TUT7: variants seen among roughly 807,000 people sequenced by gnomAD.
The protein encoded by TUT7 is terminal uridylyl transferase 7, also known as terminal uridylyltransferase 7.
In TUT7, 33 loss-of-function variants were observed where a neutral mutation model predicts 165.9. That is an observed-to-expected ratio of 0.20 (90% CI 0.15 to 0.27). The LOEUF (loss-of-function observed/expected upper bound fraction) is 0.27. Ranked by LOEUF, TUT7 falls within the 10% of genes least tolerant of loss-of-function variation. TUT7 has a pLI of 1.00. For missense variants in TUT7, 1,338 were observed against 1,762.3 expected (o/e 0.76, Z 4.31); for synonymous variants, 552 against 608.1 (o/e 0.91, Z 1.36).
At position 86,325,315 on chromosome 9, in the gene TUT7, GAT is replaced by G. The variant is rs761619857; in HGVS notation, c.1789+17_1789+18del. ...TAAAAAAAAGAGTGGGGGGGAATAAGATAAACATTTTGAGATACCTTCAATGG... is the reference window on the plus strand; with the variant it reads ...TAAAAAAAAGAGTGGGGGGGAATAAGAAACATTTTGAGATACCTTCAATGG... On this transcript the variant is annotated intron_variant, in intron 12 of 26. Transcript: ENST00000375963. The G allele has an allele frequency of 6.2e-7, 1 of 1,609,890 alleles. No individual in the cohort carries two copies. The highest frequency in any genetic ancestry group is 8.5e-7 in the Non-Finnish European group (1 of 1,177,076).
intron 6 of TUT7, 134 bp from the exon 7 acceptor site, chr9:86,341,187 T>A: frequency 1.4e-6 from 1 of 737,900 alleles, no homozygotes; most frequent in Non-Finnish European, 2.3e-6. Flanking sequence ...AAGAAATTAC[T>A]CACTATGTTG....
rs538674906 is a variant in TUT7 at position 86,351,620 on chromosome 9, T to C, written c.520+1060A>G. Reference sequence around the variant, plus strand: ...TTGGCTTTTAAGTATTCTATACGCATGGGACACAAATTCAAACACCTTATA... The same window carrying C: ...TTGGCTTTTAAGTATTCTATACGCACGGGACACAAATTCAAACACCTTATA... On this transcript the variant is annotated intron_variant, in intron 2 of 26. Coordinates refer to ENST00000375963, the MANE Select transcript of TUT7 (RefSeq NM_024617.4). Among the ~76,000 whole-genome samples the C allele has an allele frequency of 1.2e-4, 18 of 152,342 alleles. No individual in the cohort carries two copies. The South Asian group carries it at 1.7e-3, about 14-fold the overall frequency.
At chr9:86,303,227 C>A in intron 24 of TUT7, 26 bp from the exon 25 acceptor site, 1 of 1,318,918 alleles carries the variant, frequency 7.6e-7, no homozygotes, top group Non-Finnish European at 1.1e-6. Flanking sequence ...TATATAAAAG[C>A]CTGAACTATT....
chr9:86,332,755 T>A (rs10868408), intron 10 of TUT7, among the ~76,000 whole-genome samples: 35,351 of 152,152 alleles, frequency 0.23, 4,412 homozygotes, highest in East Asian at 0.47. Flanking sequence ...ATATTTAGTC[T>A]GTCAATATTT....
At position 86,325,464 on chromosome 9, in the gene TUT7, C is replaced by A; in HGVS notation, c.1659G>T (p.Gln553His). ...VKHQPSVPVG[Q>H]LWVELLRFYA... is the part of the protein sequence containing the mutation. ...AGAACCGCAGCAATTCCACCCAGAG[C>A]TGCCCAACTGGTACTGAAGGCTGGT... is the stretch of plus-strand genomic sequence containing the variant. Residue 553 changes from glutamine to histidine, a missense_variant, in exon 12 of 27, where the codon CAG becomes CAT. By Grantham distance (24) the Gln-to-His change is conservative. Around this residue, in one of 7 missense-constraint regions of TUT7, gnomAD observed 53 missense variants for 46.3 expected, o/e 1.15. Transcript: ENST00000375963. 1 of 1,614,056 alleles carries A rather than the reference C, an allele frequency of 6.2e-7. No individual in the cohort carries two copies. The highest frequency in any genetic ancestry group is 8.5e-7 in the Non-Finnish European group (1 of 1,179,972).
intron 12 of TUT7, 83 bp downstream of exon 12, chr9:86,325,251 G>C (rs535449556): frequency 3.7e-6 from 5 of 1,351,976 alleles, no homozygotes; most frequent in East Asian, 2.3e-5. Flanking sequence ...GAGCTGAAAA[G>C]AGACTGAAAT....
intron 10 of TUT7, among the ~76,000 whole-genome samples, chr9:86,329,440 T>C (rs1264991002): frequency 6.6e-6 from 1 of 151,976 alleles, no homozygotes; most frequent in Non-Finnish European, 1.5e-5. Flanking sequence ...GAAGAATTGT[T>C]TGACCCTGGG....
At chr9:86,294,090 C>A (rs1346349358) in intron 26 of TUT7, among the ~76,000 whole-genome samples, 1 of 152,140 alleles carries the variant, frequency 6.6e-6, no homozygotes, top group Non-Finnish European at 1.5e-5. Context: ...CTTCAACTTC[C>A]ATGTGTACTC....
Position 86,345,746 on chromosome 9 carries a change from G to C in TUT7, c.742C>G (p.Leu248Val), listed in dbSNP as rs377220747. Reference protein sequence around the residue: ...NYPTAKYTCRLCDVLIESIAF... With the variant: ...NYPTAKYTCRVCDVLIESIAF... ...ATGGATTCAATTAAAACATCACAGA[G>C]TCTGCAGGTGTACTTTGCTGTAGGG... Residue 248 changes from leucine (L) to valine (V), a missense_variant, in exon 4 of 27, where the codon CTC (leucine) becomes GTC (valine). Coordinates refer to ENST00000375963, the MANE Select transcript of TUT7 (RefSeq NM_024617.4). The C allele has an allele frequency of 5.0e-6, 8 of 1,613,558 alleles. No homozygotes were observed. Among genetic ancestry groups the C allele is most frequent in the Non-Finnish European group, 6.8e-6 (8 of 1,179,732 alleles).
Position 86,325,280 on chromosome 9 carries a change from C to T in TUT7, c.1789+54G>A. The T allele has an allele frequency of 1.9e-6, 3 of 1,550,540 alleles. No individual in the cohort carries two copies. In the Admixed American group the frequency reaches 5.2e-5, roughly 27 times the overall value. On this transcript the variant is annotated intron_variant, in intron 12 of 26. Coordinates refer to ENST00000375963, the MANE Select transcript of TUT7 (RefSeq NM_024617.4). ...CTGAAATAAAAAGCATGCTGTTAGA[C>T]TGGTACCTTTAAAAAAAAGAGTGGG...
chr9:86,349,959 CAT>C (rs1832127094), intron 2 of TUT7, among the ~76,000 whole-genome samples: 1 of 152,052 alleles, frequency 6.6e-6, no homozygotes, highest in Non-Finnish European at 1.5e-5. Context: ...AATAAGAAAA[CAT>C]ATAAAAGTTT....
At chr9:86,324,077 T>A in intron 12 of TUT7, 117 bp from the exon 13 acceptor site, 2 of 992,436 alleles carry the variant, frequency 2.0e-6, no homozygotes, top group Non-Finnish European at 2.8e-6. Flanking sequence ...GTAAAATTTA[T>A]CTTGCATTTT....
intron 2 of TUT7, among the ~76,000 whole-genome samples, chr9:86,350,007 T>C (rs1055896775): frequency 1.3e-5 from 2 of 152,192 alleles, no homozygotes; most frequent in Non-Finnish European, 2.9e-5. Flanking sequence ...AATGTCTAGT[T>C]GCAAATTTTT....
chr9:86,296,182 T>C (rs1421903341), intron 26 of TUT7, among the ~76,000 whole-genome samples: 2 of 152,228 alleles, frequency 1.3e-5, no homozygotes, highest in African/African-American at 4.8e-5. Context: ...TTTATCTACA[T>C]GAACTTAATC....
rs1472842626 is a variant in TUT7 at position 86,311,856 on chromosome 9, G to A, written c.3275-1047C>T. On this transcript the variant is annotated intron_variant, in intron 17 of 26. Transcript: ENST00000375963. This position sits in a 1 kb window ranked among gnomAD's most constrained non-coding sequence, Gnocchi z 4.4. ...GGGCTGGTCTCCAGCTCCTAACCAC[G>A]AGTGATCCGCCAGCCTTGGCCTCCG... Among the ~76,000 whole-genome samples, 1 of 152,232 alleles carries A rather than the reference G, an allele frequency of 6.6e-6. No homozygotes were observed. The highest frequency in any genetic ancestry group is 1.5e-5 in the Non-Finnish European group (1 of 68,042).
intron 15 of TUT7, 72 bp from the exon 16 acceptor site, chr9:86,319,130 C>G: frequency 9.4e-7 from 1 of 1,060,732 alleles, no homozygotes; most frequent in South Asian, 1.5e-5. Flanking sequence ...ATGGCCCTCT[C>G]ATGAATCAAA....
intron 25 of TUT7, 37 bp downstream of exon 25, chr9:86,303,049 A>C: frequency 9.6e-7 from 1 of 1,040,516 alleles, no homozygotes; most frequent in South Asian, 1.7e-5. Flanking sequence ...CATTAAGAAA[A>C]TAAAAACACA....
At chr9:86,314,944 T>G (rs1466840517) in intron 17 of TUT7, among the ~76,000 whole-genome samples, 1 of 152,176 alleles carries the variant, frequency 6.6e-6, no homozygotes, top group African/African-American at 2.4e-5. Context: ...TTCACCATCA[T>G]CTGAGATCAT....
intron 2 of TUT7, among the ~76,000 whole-genome samples, chr9:86,349,000 C>T (rs1588022204): frequency 6.6e-6 from 1 of 152,076 alleles, no homozygotes; most frequent in Non-Finnish European, 1.5e-5. Context: ...AATTCTTGGC[C>T]AGGCGTGGCA....
Sources: gnomAD v4.1 joint callset for allele counts (sites outside exome capture counted in the v4.1 genomes callset) on GRCh38, gnomAD v4.1.1 for gene constraint, gnomAD v4.1.1 regional missense constraint, Gnocchi (gnomAD v3.1) non-coding constraint, MANE v1.5 for transcripts, NCBI Gene and HGNC (gene_info 2026-07-23, HGNC 2026-07-21) for gene names.